Variants in BACH2 observed in about 807,000 individuals in gnomAD.
The protein encoded by BACH2 is BACH transcriptional regulator 2, also known as transcription regulator protein BACH2.
A neutral mutation model predicts 61.8 loss-of-function variants in BACH2; 5 were observed. The observed-to-expected ratio is 0.08, with a 90% confidence interval of 0.04 to 0.17. The LOEUF is 0.17. Among genes scored for constraint, BACH2 ranks in the 10% least tolerant of loss-of-function variants. BACH2 has a pLI of 1.00. For synonymous variants in BACH2, 446 were observed against 440.1 expected (o/e 1.01, Z -0.17); for missense variants, 824 against 1,091.1 (o/e 0.76, Z 3.45).
intron 6 of BACH2, among the ~76,000 whole-genome samples, chr6:89,999,309 A>T (rs1338682425): frequency 6.6e-6 from 1 of 152,258 alleles, no homozygotes; most frequent in Non-Finnish European, 1.5e-5. Context: ...CTGCATCGTG[A>T]GTGACTCAAC....
At chr6:90,141,615 A>C (rs997829873) in intron 4 of BACH2, among the ~76,000 whole-genome samples, 2 of 152,092 alleles carry the variant, frequency 1.3e-5, no homozygotes, top group Non-Finnish European at 2.9e-5. Flanking sequence ...AACAACAATA[A>C]CAAAGACAAA....
intron 5 of BACH2, among the ~76,000 whole-genome samples, chr6:90,073,142 G>A (rs1781315889): frequency 6.6e-6 from 1 of 152,220 alleles, no homozygotes; most frequent in South Asian, 2.1e-4. Flanking sequence ...TTTTTCAGAT[G>A]TACCAATGGC....
chr6:90,215,920 C>T (rs1026578175), intron 3 of BACH2, among the ~76,000 whole-genome samples: 1 of 152,190 alleles, frequency 6.6e-6, no homozygotes, highest in African/African-American at 2.4e-5. Flanking sequence ...CTGCATTTTC[C>T]ACACCCAAGT....
intron 5 of BACH2, chr6:90,080,864 C>A: frequency 1.3e-6 from 1 of 750,494 alleles, no homozygotes; most frequent in Non-Finnish European, 1.6e-6. Flanking sequence ...GGTACTCGAG[C>A]AGCTCTGATG....
intron 3 of BACH2, among the ~76,000 whole-genome samples, chr6:90,247,457 G>T (rs1562525178): frequency 6.6e-6 from 1 of 151,024 alleles, no homozygotes; most frequent in African/African-American, 2.4e-5. Flanking sequence ...TTGAACTCCT[G>T]GCCTCAAGCA....
chr6:90,112,958 A>G (rs1582377531), intron 4 of BACH2, among the ~76,000 whole-genome samples: 1 of 152,172 alleles, frequency 6.6e-6, no homozygotes, highest in East Asian at 1.9e-4. Context: ...TACAATCCTA[A>G]TTTCAGACAA....
chr6:89,958,186 G>T (rs2128358497), intron 6 of BACH2, among the ~76,000 whole-genome samples: 1 of 152,222 alleles, frequency 6.6e-6, no homozygotes, highest in South Asian at 2.1e-4. Context: ...TCACTATGTT[G>T]TCCAGGCTGG....
rs148958995 is a variant in BACH2, at chr6:90,127,034, T to C, written c.-161-37925A>G. ...CAACTCCTACTGTACAAAAGAGTTG[T>C]TCACACTGCAAAAGTGTTTACTGCT... On this transcript the variant is annotated intron_variant, in intron 4 of 8. Coordinates refer to ENST00000257749, the MANE Select transcript of BACH2 (RefSeq NM_021813.4). 6.1e-3 allele frequency among the ~76,000 whole-genome samples: 934 copies of C among 152,292 alleles called. 11 individuals carry two copies. Among genetic ancestry groups the C allele is most frequent in the African/African-American group, 0.021 (864 of 41,560 alleles).
At chr6:90,137,896 C>T (rs1784329252) in intron 4 of BACH2, among the ~76,000 whole-genome samples, 3 of 152,100 alleles carry the variant, frequency 2.0e-5, no homozygotes, top group Non-Finnish European at 4.4e-5. Context: ...GTGAGTGGGA[C>T]TAGGCTTAGA....
intron 4 of BACH2, among the ~76,000 whole-genome samples, chr6:90,114,679 G>C (rs1456222651): frequency 6.6e-6 from 1 of 152,168 alleles, no homozygotes. Context: ...AATCAGGCAA[G>C]AGAAAGAAAT....
In BACH2 at chr6:89,984,628, T is replaced by C. The variant is rs548332693; in HGVS notation, c.243+23974A>G. Among the ~76,000 whole-genome samples, 10 of 152,338 alleles carry C rather than the reference T, an allele frequency of 6.6e-5. No homozygotes were observed. In the South Asian group the frequency reaches 1.0e-3, roughly 16 times the overall value. ...CACAATTTAGGATAATAGGTGCTCC[T>C]GACAAGATGCCACTGTGGTTTTCTT... is the stretch of plus-strand genomic sequence containing the variant. On this transcript the variant is annotated intron_variant, in intron 6 of 8. Coordinates refer to ENST00000257749, the MANE Select transcript of BACH2 (RefSeq NM_021813.4).
In BACH2 at chr6:90,078,913, G is replaced by A. The variant is rs943132497; in HGVS notation, c.-13+10048C>T. Among the ~76,000 whole-genome samples the A allele has an allele frequency of 2.6e-5, 4 of 152,112 alleles. No individual in the cohort carries two copies. In the East Asian group the frequency reaches 7.7e-4, roughly 29 times the overall value. Reference sequence around the variant, plus strand: ...ATGCCAAAGAAAAATGTGATTTGCAGTCTTCATTTTTCAGAATCTTCTGGA... The same window carrying A: ...ATGCCAAAGAAAAATGTGATTTGCAATCTTCATTTTTCAGAATCTTCTGGA... On this transcript the variant is annotated intron_variant, in intron 5 of 8. Coordinates refer to ENST00000257749, the MANE Select transcript of BACH2 (RefSeq NM_021813.4).
chr6:90,289,096 A>G (rs923261323), intron 1 of BACH2, among the ~76,000 whole-genome samples: 21 of 152,236 alleles, frequency 1.4e-4, no homozygotes, highest in African/African-American at 5.1e-4. Flanking sequence ...ACTCACTCAG[A>G]TTTACTGAGA....
intron 2 of BACH2, among the ~76,000 whole-genome samples, chr6:90,258,405 C>T (rs1181125639): frequency 6.6e-6 from 1 of 152,160 alleles, no homozygotes; most frequent in Non-Finnish European, 1.5e-5. Flanking sequence ...ACTCTCTATT[C>T]TGTTCCACTG....
chr6:90,027,673 G>A (rs1004610809), intron 5 of BACH2, among the ~76,000 whole-genome samples: 8 of 152,148 alleles, frequency 5.3e-5, no homozygotes, highest in African/African-American at 1.9e-4. Flanking sequence ...CTTAGATAGA[G>A]GGGCTCCATT....
intron 5 of BACH2, among the ~76,000 whole-genome samples, chr6:90,077,317 C>T (rs1781516219): frequency 6.6e-6 from 1 of 152,152 alleles, no homozygotes. Flanking sequence ...TGAGTGTGTA[C>T]AGGGAACAGA....
At position 89,950,430 on chromosome 6, in the gene BACH2, G is replaced by A. The variant is rs760642695; in HGVS notation, c.1676C>T (p.Thr559Ile). 6.2e-7 allele frequency: 1 copy of A among 1,614,060 alleles called. No homozygotes were observed. The highest frequency in any genetic ancestry group is 1.3e-5 in the African/African-American group (1 of 74,916). ...CATCAGGCCTGGTTCCTGATGTTCT[G>A]TGGCAAGGAATCTGGCTCCCTGGGA... is the stretch of plus-strand genomic sequence containing the variant. ...PCSQGARFLATEHQEPGLMGD... is the reference protein window; with the variant it reads ...PCSQGARFLAIEHQEPGLMGD... Residue 559 changes from threonine (T) to isoleucine (I), a missense_variant, in exon 7 of 9, where the codon ACA becomes ATA. By Grantham distance (89) the Thr-to-Ile change is moderately conservative. This residue lies in a region of BACH2 where 160 missense variants were observed against 283.5 expected (regional missense o/e 0.56). Transcript: ENST00000257749. This position sits in a 1 kb window ranked among gnomAD's most constrained non-coding sequence, Gnocchi z 5.3.
chr6:90,251,109 T>C (rs1207304966), intron 3 of BACH2, among the ~76,000 whole-genome samples: 1 of 152,108 alleles, frequency 6.6e-6, no homozygotes, highest in Non-Finnish European at 1.5e-5. Context: ...CTACAGTTAA[T>C]AATACAAAAA....
At chr6:90,249,496 C>T (rs775186816) in intron 3 of BACH2, among the ~76,000 whole-genome samples, 1 of 152,176 alleles carries the variant, frequency 6.6e-6, no homozygotes, top group Non-Finnish European at 1.5e-5. Context: ...ACAGGCCAGG[C>T]GCAGTGGCTC....
Sources: allele counts gnomAD v4.1 joint callset (sites outside exome capture counted in the v4.1 genomes callset), GRCh38; gene constraint gnomAD v4.1.1; regional missense constraint gnomAD v4.1.1; non-coding constraint Gnocchi (gnomAD v3.1); transcripts MANE v1.5; gene names NCBI Gene and HGNC (gene_info 2026-07-23, HGNC 2026-07-21).